Variants in NYAP2 observed in about 807,000 individuals in gnomAD.
The protein encoded by NYAP2 is neuronal tyrosine-phosphorylated phosphoinositide-3-kinase adaptor 2.
In NYAP2, 23 loss-of-function variants were observed where a neutral mutation model predicts 50.4. That is an observed-to-expected ratio of 0.46 (90% CI 0.33 to 0.65). The LOEUF (loss-of-function observed/expected upper bound fraction) is 0.65, where lower values mean the gene tolerates loss of function less well. Ranked by LOEUF, NYAP2 falls within the 30% of genes least tolerant of loss-of-function variation. The pLI is 0.02. For synonymous variants in NYAP2, 394 were observed against 365.2 expected (o/e 1.08, Z -0.90); for missense variants, 885 against 861.0 (o/e 1.03, Z -0.35).
In NYAP2 at chr2:225,473,571, C is replaced by G. The variant is rs1260878822; in HGVS notation, c.222-39800C>G. The stretch of plus-strand genomic sequence containing the variant: ...TCTCTGATGGCCAGTGATGATGAAC[C>G]TTTTTTCATATGTCTGTTGCCTGCA... On this transcript the variant is annotated intron_variant, in intron 3 of 6. Coordinates refer to ENST00000636099, the Ensembl canonical transcript of NYAP2. Among the ~76,000 whole-genome samples the G allele has an allele frequency of 5.3e-5, 8 of 152,206 alleles. No individual in the cohort carries two copies. In the East Asian group the frequency reaches 1.5e-3, roughly 29 times the overall value.
intron 3 of NYAP2, among the ~76,000 whole-genome samples, chr2:225,421,760 G>T (rs1695218326): frequency 6.6e-6 from 1 of 152,174 alleles, no homozygotes; most frequent in Non-Finnish European, 1.5e-5. Flanking sequence ...GTAGTTTATG[G>T]TTTTTCTCTA....
At chr2:225,667,933 T>G in the NYAP2 span, among the ~76,000 whole-genome samples, 1 of 152,134 alleles carries the variant, frequency 6.6e-6, no homozygotes. Flanking sequence ...TAAGACCGAG[T>G]GTATTCTTCT....
chr2:225,573,176 T>G, intron 4 of NYAP2, among the ~76,000 whole-genome samples: 1 of 152,032 alleles, frequency 6.6e-6, no homozygotes, highest in East Asian at 1.9e-4. Context: ...TGGATTTTTT[T>G]TTCAGTTATC....
At chr2:225,481,998 CA>C (rs999775405) in intron 3 of NYAP2, among the ~76,000 whole-genome samples, 8 of 151,884 alleles carry the variant, frequency 5.3e-5, no homozygotes, top group African/African-American at 1.9e-4. Flanking sequence ...TGATGATTAA[CA>C]AAAAGCAATG....
At chr2:225,671,550 A>C in the NYAP2 span, among the ~76,000 whole-genome samples, 6 of 152,150 alleles carry the variant, frequency 3.9e-5, no homozygotes, top group Admixed American at 6.6e-5. Flanking sequence ...AAAGTCATCC[A>C]AAAGGTTGAG....
chr2:225,419,964 C>T (rs1695189872), intron 3 of NYAP2, among the ~76,000 whole-genome samples: 1 of 152,052 alleles, frequency 6.6e-6, no homozygotes, highest in Admixed American at 6.6e-5. Flanking sequence ...TGTTCTTTTT[C>T]CTAAAATACT....
At chr2:225,585,366 GA>G (rs992962846) in intron 5 of NYAP2, among the ~76,000 whole-genome samples, 10 of 150,944 alleles carry the variant, frequency 6.6e-5, no homozygotes, top group Admixed American at 3.9e-4. Flanking sequence ...CAATTAACTA[GA>G]AAAAAAAAGT....
the NYAP2 span, among the ~76,000 whole-genome samples, chr2:225,690,397 A>T: frequency 6.6e-6 from 1 of 152,112 alleles, no homozygotes; most frequent in South Asian, 2.1e-4. Context: ...CGTTATATCA[A>T]TTTCAAAAGA....
At chr2:225,421,854 T>G (rs1189475149) in intron 3 of NYAP2, among the ~76,000 whole-genome samples, 1 of 152,220 alleles carries the variant, frequency 6.6e-6, no homozygotes, top group African/African-American at 2.4e-5. Flanking sequence ...ATATTTTCTT[T>G]AGAAAGAAAT....
At chr2:225,489,559 C>T (rs943858961) in intron 3 of NYAP2, among the ~76,000 whole-genome samples, 7 of 152,154 alleles carry the variant, frequency 4.6e-5, no homozygotes, top group Admixed American at 3.9e-4. Context: ...CAATAGATTC[C>T]TGTTTTCCTT....
At chr2:225,539,227 C>A (rs1488765398) in intron 4 of NYAP2, among the ~76,000 whole-genome samples, 1 of 152,194 alleles carries the variant, frequency 6.6e-6, no homozygotes. Context: ...GCCACATTTT[C>A]TTAATCCAGT....
At chr2:225,458,997 T>C (rs1224480986) in intron 3 of NYAP2, among the ~76,000 whole-genome samples, 1 of 152,342 alleles carries the variant, frequency 6.6e-6, no homozygotes, top group East Asian at 1.9e-4. Context: ...TTAGTCTCTT[T>C]CTAGTTTCTC....
intron 4 of NYAP2, among the ~76,000 whole-genome samples, chr2:225,573,729 G>C (rs1228744495): frequency 6.6e-6 from 1 of 152,104 alleles, no homozygotes; most frequent in Non-Finnish European, 1.5e-5. Context: ...CCTCTGTGTG[G>C]CCTCTTCTAT....
intron 5 of NYAP2, among the ~76,000 whole-genome samples, chr2:225,620,442 C>T (rs376232235): frequency 7.9e-6 from 1 of 126,394 alleles, no homozygotes; most frequent in Non-Finnish European, 1.8e-5. Flanking sequence ...CACACACGCA[C>T]GCACACGCAC....
At chr2:225,513,438 A>G (rs1229695985) in exon 4 of NYAP2, 2 of 1,613,890 alleles carry the variant, frequency 1.2e-6, no homozygotes, top group Non-Finnish European at 1.7e-6. Context: ...CATGGGATTC[A>G]TGACAATGCC....
chr2:225,502,006 A>T (rs1690616528), intron 3 of NYAP2, among the ~76,000 whole-genome samples: 1 of 142,224 alleles, frequency 7.0e-6, no homozygotes, highest in Non-Finnish European at 1.6e-5. Context: ...GAAAGGGAAC[A>T]TGTTGTAGAT....
At chr2:225,399,211 A>G (rs1382158551), upstream of NYAP2, among the ~76,000 whole-genome samples, 1 of 152,106 alleles carries the variant, frequency 6.6e-6, no homozygotes, top group Admixed American at 6.6e-5. Context: ...TTTTAAGCTC[A>G]TATCCATCAG....
At chr2:225,470,522 C>G (rs1689996570) in intron 3 of NYAP2, among the ~76,000 whole-genome samples, 1 of 152,074 alleles carries the variant, frequency 6.6e-6, no homozygotes. Flanking sequence ...TTGTGCCACA[C>G]TTGAGGAAAA....
chr2:225,473,801 C>A (rs1004827063), intron 3 of NYAP2, among the ~76,000 whole-genome samples: 9 of 152,176 alleles, frequency 5.9e-5, no homozygotes, highest in African/African-American at 2.2e-4. Context: ...TGTGCAGAAG[C>A]TCTTTAGTTT....
Sources: allele counts gnomAD v4.1 joint callset (sites outside exome capture counted in the v4.1 genomes callset), GRCh38; gene constraint gnomAD v4.1.1; transcripts MANE v1.5; gene names NCBI Gene and HGNC (gene_info 2026-07-23, HGNC 2026-07-21).